Variants in USP10 observed in about 807,000 individuals in gnomAD.
The protein encoded by USP10 is ubiquitin specific peptidase 10, also known as ubiquitin carboxyl-terminal hydrolase 10.
In USP10, 22 loss-of-function variants were observed where a neutral mutation model predicts 84.5. That is an observed-to-expected ratio of 0.26 (90% CI 0.19 to 0.37). USP10 has a LOEUF of 0.37. Among genes scored for constraint, USP10 ranks in the 10% least tolerant of loss-of-function variants. The pLI is 1.00. For synonymous variants in USP10, 454 were observed against 387.6 expected, an observed-to-expected ratio of 1.17 and a Z score of -2.01; for missense variants, 1,019 against 998.9, an observed-to-expected ratio of 1.02 and a Z score of -0.27.
chr16:84,723,562 A>T (rs949650533), intron 1 of USP10, among the ~76,000 whole-genome samples: 9 of 152,182 alleles, frequency 5.9e-5, no homozygotes, highest in Admixed American at 4.6e-4. Context: ...CCTTATCCTT[A>T]GATAAGCTTT....
intron 2 of USP10, 30 bp downstream of exon 2, chr16:84,733,533 G>A (rs751394674): frequency 7.5e-6 from 11 of 1,461,030 alleles, no homozygotes; most frequent in African/African-American, 1.4e-5. Flanking sequence ...TAGTGAGTCC[G>A]TGGGTAGATA....
chr16:84,715,453 G>C (rs1319296124), intron 1 of USP10, among the ~76,000 whole-genome samples: 1 of 151,972 alleles, frequency 6.6e-6, no homozygotes, highest in Non-Finnish European at 1.5e-5. Context: ...AATGAAGATG[G>C]GTAATGAGCT....
Position 84,764,939 on chromosome 16 carries a change from A to ATATATAT in USP10, c.1832+676_1832+677insTATATAT, listed in dbSNP as rs1555548055. On this transcript the variant is annotated intron_variant, in intron 10 of 13. Coordinates refer to ENST00000219473, the MANE Select transcript of USP10 (RefSeq NM_005153.3). ...TAACCACGAGAGAGAGAGAAAAAAA[A>ATATATAT]ATATATATATATATATTAGACTTCA... 3.2e-3 allele frequency among the ~76,000 whole-genome samples: 420 copies of ATATATAT among 132,260 alleles called. 4 individuals carry two copies. Among genetic ancestry groups the ATATATAT allele is most frequent in the Non-Finnish European group, 4.2e-3 (269 of 63,328 alleles). 86.8% of individuals were successfully genotyped at this position (132,260 alleles called of 152,430 possible). A position where few individuals can be genotyped will look rare whatever the true frequency, so the allele number is the denominator to read the frequency against.
Position 84,756,237 on chromosome 16 carries a change from C to T in USP10, c.1193-2479C>T, listed in dbSNP as rs567173665. On this transcript the variant is annotated intron_variant, in intron 4 of 13. Coordinates refer to ENST00000219473, the MANE Select transcript of USP10 (RefSeq NM_005153.3). ...CATTCATCTCTGTGCCTTCCTTACC[C>T]GGTGCCTAGGCAGGGCTCAGCAGGG... 1.8e-4 allele frequency among the ~76,000 whole-genome samples: 27 copies of T among 152,340 alleles called. 1 individual carries two copies. The South Asian group carries it at 4.8e-3, about 27-fold the overall frequency.
intron 8 of USP10, among the ~76,000 whole-genome samples, chr16:84,761,547 C>A (rs190949965): frequency 3.3e-5 from 5 of 152,202 alleles, no homozygotes; most frequent in Non-Finnish European, 5.9e-5. Context: ...CACAAGGCTA[C>A]GCGTAACTAC....
At chr16:84,720,574 C>G (rs1325635297) in intron 1 of USP10, among the ~76,000 whole-genome samples, 1 of 84,996 alleles carries the variant, frequency 1.2e-5, no homozygotes, top group East Asian at 6.0e-4. Context: ...AGATGATGCC[C>G]AATTTTTTTT....
chr16:84,744,682 C>G lies in USP10; in HGVS notation c.201C>G (p.Pro67=). 6.2e-7 allele frequency: 1 copy of G among 1,613,476 alleles called. No homozygotes were observed. Among genetic ancestry groups the G allele is most frequent in the East Asian group, 2.2e-5 (1 of 44,878 alleles). ...IEFGVDEVIE[P]SDTLPRTPSY... ...TTGGTGTCGATGAAGTCATTGAACC[C>G]AGTGACACTTTGCCGAGAACCCCCA... Residue 67 remains proline (P), a synonymous_variant, in exon 4 of 14, where the codon CCC becomes CCG. Coordinates refer to ENST00000219473, the MANE Select transcript of USP10 (RefSeq NM_005153.3).
chr16:84,744,725 A>G lies in USP10; in HGVS notation c.244A>G (p.Thr82Ala). 1 of 1,613,740 alleles carries G rather than the reference A, an allele frequency of 6.2e-7. No homozygotes were observed. Among genetic ancestry groups the G allele is most frequent in the Non-Finnish European group, 8.5e-7 (1 of 1,179,730 alleles). Residue 82 changes from threonine to alanine, a missense_variant, in exon 4 of 14, where the codon ACA becomes GCA. Physicochemically the swap from Thr to Ala is moderately conservative, Grantham distance 58. Transcript: ENST00000219473. ...PRTPSYSISS[T>A]LNPQAPEFIL... Reference sequence around the variant, plus strand: ...AACCCCCAGCTACAGTATTTCAAGCACACTGAACCCTCAGGCCCCTGAATT... The same window carrying G: ...AACCCCCAGCTACAGTATTTCAAGCGCACTGAACCCTCAGGCCCCTGAATT...
At chr16:84,704,462 A>G (rs1157194266) in intron 1 of USP10, among the ~76,000 whole-genome samples, 1 of 152,244 alleles carries the variant, frequency 6.6e-6, no homozygotes, top group Admixed American at 6.5e-5. Flanking sequence ...CTTTAGTGCC[A>G]CTTCAGCAGT....
At chr16:84,775,272 A>AGG (rs142341511) in intron 13 of USP10, 47 bp downstream of exon 13, 1 of 1,582,460 alleles carries the variant, frequency 6.3e-7, no homozygotes. Flanking sequence ...ACACTGATGA[A>AGG]GGGGTTTACA....
chr16:84,701,468 CCTTT>C (rs1184248310), intron 1 of USP10, among the ~76,000 whole-genome samples: 1 of 152,032 alleles, frequency 6.6e-6, no homozygotes, highest in Non-Finnish European at 1.5e-5. Flanking sequence ...TTTGTTTAGA[CCTTT>C]CTGTTAAAAA....
intron 1 of USP10, among the ~76,000 whole-genome samples, chr16:84,721,989 C>T (rs2150779960): frequency 6.6e-6 from 1 of 152,340 alleles, no homozygotes; most frequent in East Asian, 1.9e-4. Flanking sequence ...AGCCATCACG[C>T]CCAGCCCAGT....
intron 1 of USP10, among the ~76,000 whole-genome samples, chr16:84,713,259 G>T (rs1452604436): frequency 1.3e-5 from 2 of 152,128 alleles, no homozygotes; most frequent in Non-Finnish European, 2.9e-5. Flanking sequence ...GGAACACATT[G>T]TCTGTCCCCG....
intron 4 of USP10, 129 bp downstream of exon 4, chr16:84,745,802 C>A: frequency 1.0e-6 from 1 of 963,152 alleles, no homozygotes; most frequent in African/African-American, 1.6e-5. Context: ...CTGAAGGATG[C>A]CTATGTCTTA....
rs770681243 is a variant in USP10 at position 84,764,215 on chromosome 16, C to T, written c.1784C>T (p.Ala595Val). 5.0e-6 allele frequency: 8 copies of T among 1,613,894 alleles called. No homozygotes were observed. The highest frequency in any genetic ancestry group is 2.2e-5 in the South Asian group (2 of 91,090). The change falls in exon 10 of 14, where the codon GCG becomes GTG. Residue 595 changes from alanine to valine, a missense_variant. Around this residue, in one of 2 missense-constraint regions of USP10, gnomAD observed 232 missense variants for 290.1 expected, o/e 0.80. Transcript: ENST00000219473. ...AACAAGACTTCCGTCACCCGCCAGG[C>T]GGATTTTGTTCAGACTCCAATCACC... ...PRNKTSVTRQ[A>V]DFVQTPITGI...
At chr16:84,702,722 G>A (rs997578602) in intron 1 of USP10, among the ~76,000 whole-genome samples, 9 of 152,162 alleles carry the variant, frequency 5.9e-5, no homozygotes, top group African/African-American at 1.9e-4. Context: ...GGCCAGCGCG[G>A]TGGCTCGTGC....
In USP10 at chr16:84,768,345, A is replaced by T; in HGVS notation, c.1985A>T (p.Lys662Ile). 1 of 1,603,818 alleles carries T rather than the reference A, an allele frequency of 6.2e-7. No individual in the cohort carries two copies. Among genetic ancestry groups the T allele is most frequent in the Non-Finnish European group, 8.5e-7 (1 of 1,174,308 alleles). The change falls in exon 11 of 14, where the codon AAA becomes ATA. Residue 662 changes from lysine to isoleucine, a missense_variant. Around this residue, in one of 2 missense-constraint regions of USP10, gnomAD observed 232 missense variants for 290.1 expected, o/e 0.80. Transcript: ENST00000219473. Reference sequence around the variant, plus strand: ...GAATCTGTCCAAGGTTATACCACAAAAACCAAACAAGAGGTATGTTCACAC... The same window carrying T: ...GAATCTGTCCAAGGTTATACCACAATAACCAAACAAGAGGTATGTTCACAC... ...ARESVQGYTT[K>I]TKQEVEISRR...
intron 1 of USP10, among the ~76,000 whole-genome samples, chr16:84,711,639 A>G (rs972052388): frequency 6.6e-6 from 1 of 151,796 alleles, no homozygotes; most frequent in Non-Finnish European, 1.5e-5. Context: ...GTGCCACAAC[A>G]ATGTATTCTA....
At chr16:84,720,010 T>A (rs1230939202) in intron 1 of USP10, among the ~76,000 whole-genome samples, 1 of 152,224 alleles carries the variant, frequency 6.6e-6, no homozygotes, top group Non-Finnish European at 1.5e-5. Flanking sequence ...TGCTTTCCAT[T>A]AACAACAAAG....
Sources: allele counts gnomAD v4.1 joint callset (sites outside exome capture counted in the v4.1 genomes callset), GRCh38; gene constraint gnomAD v4.1.1; regional missense constraint gnomAD v4.1.1; transcripts MANE v1.5; gene names NCBI Gene and HGNC (gene_info 2026-07-23, HGNC 2026-07-21).